COL23A1: variants seen among roughly 807,000 people sequenced by gnomAD.
The protein encoded by COL23A1 is collagen alpha-1(XXIII) chain.
In COL23A1, 97 loss-of-function variants were observed where a neutral mutation model predicts 99.3. That is an observed-to-expected ratio of 0.98 (90% CI 0.83 to 1.16). COL23A1 has a LOEUF of 1.16. COL23A1 is among the 50% of genes most tolerant of loss of function. The pLI, the probability that COL23A1 is intolerant of heterozygous loss-of-function variation, is 0.00. For missense variants in COL23A1, 762 were observed against 757.4 expected, an observed-to-expected ratio of 1.01 and a Z score of -0.07; for synonymous variants, 320 against 308.2, an observed-to-expected ratio of 1.04 and a Z score of -0.40.
intron 3 of COL23A1, among the ~76,000 whole-genome samples, chr5:178,298,070 G>A (rs1436474620): frequency 1.3e-5 from 2 of 152,138 alleles, no homozygotes; most frequent in African/African-American, 2.4e-5. Context: ...TTCTGCGCAC[G>A]GCCTTCAAAC....
In COL23A1 at chr5:178,245,919, C is replaced by G. The variant is rs369959479; in HGVS notation, c.1440+23G>C. The stretch of plus-strand genomic sequence containing the variant: ...TACACACAAGAGGCACCCAATTACT[C>G]AAAGTGATGATAAGACACTTACATC... On this transcript the variant is annotated intron_variant, in intron 25 of 28. Transcript: ENST00000390654. 10 of 1,613,962 alleles carry G rather than the reference C, an allele frequency of 6.2e-6. No homozygotes were observed. The South Asian group carries it at 1.1e-4, about 18-fold the overall frequency.
At chr5:178,518,805 C>T (rs2128003002) in intron 2 of COL23A1, among the ~76,000 whole-genome samples, 1 of 149,532 alleles carries the variant, frequency 6.7e-6, no homozygotes, top group Middle Eastern at 3.5e-3. Context: ...TGCTCCTTGC[C>T]CTCGGGCCCC....
At chr5:178,517,717 A>G (rs911115669) in intron 2 of COL23A1, among the ~76,000 whole-genome samples, 1 of 133,356 alleles carries the variant, frequency 7.5e-6, no homozygotes, top group Non-Finnish European at 1.7e-5. Context: ...ACGTGCCACC[A>G]CGCCAAGCTA....
At position 178,268,906 on chromosome 5, in the gene COL23A1, G is replaced by T. The variant is rs1353246768; in HGVS notation, c.469-150C>A. ...CACATGAGCTCTCAGCCCTCAATGA[G>T]AGCTGCCCTGGCTGGCCCAAGGAAG... is the stretch of plus-strand genomic sequence containing the variant. On this transcript the variant is annotated intron_variant, in intron 6 of 28. Transcript: ENST00000390654. 3 of 701,832 alleles carry T rather than the reference G, an allele frequency of 4.3e-6. No individual in the cohort carries two copies. In the African/African-American group the frequency reaches 5.4e-5, roughly 13 times the overall value. 43.5% of individuals were successfully genotyped at this position (701,832 alleles called of 1,614,324 possible). A position where few individuals can be genotyped will look rare whatever the true frequency, so the allele number is the denominator to read the frequency against.
chr5:178,552,525 A>T (rs549185516), intron 2 of COL23A1, among the ~76,000 whole-genome samples: 77 of 152,174 alleles, frequency 5.1e-4, no homozygotes, highest in Admixed American at 3.1e-3. Flanking sequence ...GTATCATTTT[A>T]AAAAATTCTA....
chr5:178,550,404 A>G (rs1157598798), intron 2 of COL23A1, among the ~76,000 whole-genome samples: 2 of 152,166 alleles, frequency 1.3e-5, no homozygotes, highest in Non-Finnish European at 2.9e-5. Flanking sequence ...TACCTAGTCC[A>G]TATGCCAGTA....
chr5:178,497,801 T>C (rs887240035), intron 2 of COL23A1, among the ~76,000 whole-genome samples: 4 of 152,074 alleles, frequency 2.6e-5, no homozygotes, highest in African/African-American at 9.7e-5. Context: ...ATATCAAATA[T>C]ATTACCAAGA....
chr5:178,291,272 A>T (rs1277420090), intron 3 of COL23A1, among the ~76,000 whole-genome samples: 2 of 152,242 alleles, frequency 1.3e-5, no homozygotes, highest in Non-Finnish European at 2.9e-5. Flanking sequence ...ATACGTCCCA[A>T]GTATGAGCCA....
intron 2 of COL23A1, among the ~76,000 whole-genome samples, chr5:178,497,680 G>A (rs897277227): frequency 7.2e-5 from 11 of 152,258 alleles, no homozygotes; most frequent in Middle Eastern, 3.4e-3. Flanking sequence ...AGAAGTTTTG[G>A]GGGAAATGTA....
At chr5:178,488,917 G>T (rs1757779742) in intron 2 of COL23A1, among the ~76,000 whole-genome samples, 1 of 152,200 alleles carries the variant, frequency 6.6e-6, no homozygotes, top group Non-Finnish European at 1.5e-5. Flanking sequence ...TCGCTGAGCA[G>T]CGGTGCAAAC....
chr5:178,462,841 C>T (rs914729477), intron 2 of COL23A1, among the ~76,000 whole-genome samples: 1 of 152,228 alleles, frequency 6.6e-6, no homozygotes, highest in African/African-American at 2.4e-5. Flanking sequence ...CCCATGGTTC[C>T]GTCTTCAGAG....
rs1022365779 is a variant in COL23A1 at position 178,560,803 on chromosome 5, G to C, written c.295-55C>G. ...CGAGGAGAGAATGAGTTTCAGAACA[G>C]AGAGGGGTAAAAGTGGAAACATCAG... On this transcript the variant is annotated intron_variant, in intron 1 of 28. Transcript: ENST00000390654. 1.1e-5 allele frequency: 17 copies of C among 1,538,634 alleles called. No homozygotes were observed. In the African/African-American group the frequency reaches 2.1e-4, roughly 19 times the overall value.
intron 2 of COL23A1, among the ~76,000 whole-genome samples, chr5:178,358,473 G>C (rs115986917): frequency 1.4e-5 from 2 of 146,628 alleles, no homozygotes; most frequent in African/African-American, 2.5e-5. Context: ...GTGTATGTGC[G>C]TATGCGTATA....
At chr5:178,465,503 C>G (rs535930959) in intron 2 of COL23A1, among the ~76,000 whole-genome samples, 1 of 152,166 alleles carries the variant, frequency 6.6e-6, no homozygotes, top group Admixed American at 6.5e-5. Context: ...CATGGGCCTC[C>G]GAGCAAGCCT....
intron 12 of COL23A1, among the ~76,000 whole-genome samples, chr5:178,257,997 TG>T (rs1424597684): frequency 6.6e-6 from 1 of 152,182 alleles, no homozygotes; most frequent in East Asian, 1.9e-4. Context: ...CCCAGGAGTT[TG>T]TGGCTGTAGT....
rs1765252913 is a variant in COL23A1 at position 178,255,485 on chromosome 5, G to A, written c.883-459C>T. ...CACGCCTATTCCCGCCTGGTTACAG[G>A]TGCATGTCAGCATGCCCATGTCCAT... On this transcript the variant is annotated intron_variant, in intron 15 of 28. Coordinates refer to ENST00000390654, the MANE Select transcript of COL23A1 (RefSeq NM_173465.4). This position sits in a 1 kb window ranked among gnomAD's most constrained non-coding sequence, Gnocchi z 4.2. 6.6e-6 allele frequency among the ~76,000 whole-genome samples: 1 copy of A among 151,946 alleles called. No homozygotes were observed. The highest frequency in any genetic ancestry group is 6.5e-5 in the Admixed American group (1 of 15,272).
chr5:178,290,329 T>C lies in COL23A1; in HGVS notation c.414+33A>G, dbSNP rs112520533. ...GAGAGAGAACCAAACATCTTATCTT[T>C]CAGAAGCAGACAGCACAGTCCAGGA... is the stretch of plus-strand genomic sequence containing the variant. On this transcript the variant is annotated intron_variant, in intron 4 of 28. Coordinates refer to ENST00000390654, the MANE Select transcript of COL23A1 (RefSeq NM_173465.4). 6.6e-5 allele frequency: 107 copies of C among 1,613,878 alleles called. No homozygotes were observed. The African/African-American group carries it at 1.3e-3, about 19-fold the overall frequency.
intron 3 of COL23A1, among the ~76,000 whole-genome samples, chr5:178,295,112 G>A (rs2127591555): frequency 6.6e-6 from 1 of 152,080 alleles, no homozygotes; most frequent in South Asian, 2.1e-4. Flanking sequence ...TTGAACCTGG[G>A]AGGCAGAGGT....
intron 2 of COL23A1, among the ~76,000 whole-genome samples, chr5:178,524,927 G>C (rs935608012): frequency 5.9e-5 from 9 of 152,044 alleles, no homozygotes; most frequent in Non-Finnish European, 1.5e-5. Flanking sequence ...ATTTACACAC[G>C]CACCACCCAC....
Sources: gnomAD v4.1 joint callset for allele counts (sites outside exome capture counted in the v4.1 genomes callset) on GRCh38, gnomAD v4.1.1 for gene constraint, Gnocchi (gnomAD v3.1) non-coding constraint, MANE v1.5 for transcripts, NCBI Gene and HGNC (gene_info 2026-07-23, HGNC 2026-07-21) for gene names.